The following SLC24A2 variants were observed in gnomAD, a reference collection of about 807,000 sequenced individuals.
The protein encoded by SLC24A2 is sodium/potassium/calcium exchanger 2.
SLC24A2 carries 36 observed loss-of-function variants against 62.0 expected under a neutral mutation model. That is an observed-to-expected ratio of 0.58 (90% CI 0.44 to 0.77). SLC24A2 has a LOEUF of 0.77. Ranked by LOEUF, SLC24A2 falls within the 30% of genes least tolerant of loss-of-function variation. SLC24A2 has a pLI of 0.00. For synonymous variants in SLC24A2, 358 were observed against 294.0 expected (o/e 1.22, Z -2.23); for missense variants, 846 against 817.9 (o/e 1.03, Z -0.42).
the SLC24A2 span, among the ~76,000 whole-genome samples, chr9:20,088,237 T>A: frequency 6.6e-6 from 1 of 152,198 alleles, no homozygotes; most frequent in Non-Finnish European, 1.5e-5. Flanking sequence ...CAGGATAAGA[T>A]CCACTGGCTT....
At position 19,510,857 on chromosome 9, in the gene SLC24A2, C is replaced by G. The variant is rs1056191769; in HGVS notation, c.*5296G>C. 1 of 152,304 alleles carries G rather than the reference C, an allele frequency of 6.6e-6. No individual in the cohort carries two copies. 9.4% of individuals were successfully genotyped at this position (152,304 alleles called of 1,614,324 possible). On this transcript the variant is annotated 3_prime_UTR_variant, in exon 11 of 11. Transcript: ENST00000341998. ...TAATTGCAGGGTCATTTTTGCCTCT[C>G]GAATGCTGCCTGACTTGTGGATTTG... is the stretch of plus-strand genomic sequence containing the variant.
At chr9:19,770,002 C>A (rs1342584573) in intron 2 of SLC24A2, among the ~76,000 whole-genome samples, 2 of 151,502 alleles carry the variant, frequency 1.3e-5, no homozygotes, top group African/African-American at 4.8e-5. Flanking sequence ...AACTTACTTA[C>A]CTAAATAAAG....
chr9:19,731,326 G>C (rs1172941652), intron 2 of SLC24A2, among the ~76,000 whole-genome samples: 1 of 152,178 alleles, frequency 6.6e-6, no homozygotes, highest in African/African-American at 2.4e-5. Context: ...GCTATGGACT[G>C]AATGTTTGTG....
At chr9:19,531,699 C>A (rs1408741295) in intron 8 of SLC24A2, among the ~76,000 whole-genome samples, 1 of 137,394 alleles carries the variant, frequency 7.3e-6, no homozygotes, top group Non-Finnish European at 1.6e-5. Flanking sequence ...AAGACCCCCC[C>A]CCACCCCCCA....
At chr9:19,648,852 G>A (rs750889127) in intron 2 of SLC24A2, among the ~76,000 whole-genome samples, 11 of 152,048 alleles carry the variant, frequency 7.2e-5, no homozygotes, top group African/African-American at 2.7e-4. Flanking sequence ...GACCACCCAC[G>A]TGTGTTGGCA....
At chr9:19,621,704 C>G (rs1015276327) in intron 3 of SLC24A2, among the ~76,000 whole-genome samples, 2 of 152,054 alleles carry the variant, frequency 1.3e-5, no homozygotes. Context: ...CTCGTCATAA[C>G]TATTATGGTC....
chr9:20,280,619 T>C, the SLC24A2 span, among the ~76,000 whole-genome samples: 4 of 152,324 alleles, frequency 2.6e-5, no homozygotes, highest in Non-Finnish European at 5.9e-5. Flanking sequence ...TTTTCATTTA[T>C]GAACTTGGGC....
At chr9:19,759,895 G>T (rs750191440) in intron 2 of SLC24A2, among the ~76,000 whole-genome samples, 27 of 152,076 alleles carry the variant, frequency 1.8e-4, no homozygotes, top group Non-Finnish European at 3.5e-4. Flanking sequence ...ATATCCTTTT[G>T]TTAAAAAATA....
chr9:20,107,388 T>G, the SLC24A2 span, among the ~76,000 whole-genome samples: 2 of 151,630 alleles, frequency 1.3e-5, no homozygotes, highest in Non-Finnish European at 2.9e-5. Context: ...CATTGCCAAG[T>G]CAATCCTAAG....
the SLC24A2 span, among the ~76,000 whole-genome samples, chr9:19,990,971 G>A: frequency 1.1e-5 from 1 of 89,508 alleles, no homozygotes; most frequent in East Asian, 2.2e-4. Flanking sequence ...TACTATATAT[G>A]TATGTATATG....
At chr9:20,000,730 C>T in the SLC24A2 span, among the ~76,000 whole-genome samples, 5 of 152,022 alleles carry the variant, frequency 3.3e-5, no homozygotes, top group African/African-American at 9.7e-5. Context: ...AAGAATGGAC[C>T]CCAGTTTTGC....
the SLC24A2 span, among the ~76,000 whole-genome samples, chr9:19,882,866 CTA>C: frequency 6.6e-6 from 1 of 152,058 alleles, no homozygotes; most frequent in Non-Finnish European, 1.5e-5. Flanking sequence ...GGTGAAAAGG[CTA>C]CTCCACCAAG....
chr9:19,832,264 G>A, the SLC24A2 span, among the ~76,000 whole-genome samples: 1 of 152,192 alleles, frequency 6.6e-6, no homozygotes, highest in African/African-American at 2.4e-5. Context: ...CATAATATAT[G>A]TCTTCAAAGT....
At chr9:20,046,090 G>C in the SLC24A2 span, among the ~76,000 whole-genome samples, 1 of 152,320 alleles carries the variant, frequency 6.6e-6, no homozygotes. Context: ...AAGAATTCTG[G>C]TGAGTGTGGT....
At chr9:19,569,588 A>G (rs1478023528) in intron 7 of SLC24A2, among the ~76,000 whole-genome samples, 1 of 151,956 alleles carries the variant, frequency 6.6e-6, no homozygotes, top group Non-Finnish European at 1.5e-5. Context: ...GCCTGCAACA[A>G]CCTCTTTGCC....
chr9:19,819,003 T>A, the SLC24A2 span, among the ~76,000 whole-genome samples: 14 of 150,342 alleles, frequency 9.3e-5, no homozygotes. Context: ...AATAGGCACA[T>A]AGACCAGTGG....
chr9:19,703,576 C>T (rs1460986084), intron 2 of SLC24A2, among the ~76,000 whole-genome samples: 2 of 152,094 alleles, frequency 1.3e-5, no homozygotes, highest in Non-Finnish European at 2.9e-5. Context: ...AGTGAGCTCA[C>T]TGTAAGTTGG....
the SLC24A2 span, among the ~76,000 whole-genome samples, chr9:20,237,732 A>G: frequency 6.6e-6 from 1 of 152,164 alleles, no homozygotes. Context: ...CAGTCTTAAT[A>G]AAGTGCAGGG....
At chr9:20,077,174 G>T in the SLC24A2 span, among the ~76,000 whole-genome samples, 2 of 151,958 alleles carry the variant, frequency 1.3e-5, no homozygotes, top group Admixed American at 1.3e-4. Flanking sequence ...GTAGGTCAGA[G>T]GATACAAAGT....
Sources: allele counts gnomAD v4.1 joint callset (sites outside exome capture counted in the v4.1 genomes callset), GRCh38; gene constraint gnomAD v4.1.1; transcripts MANE v1.5; gene names NCBI Gene and HGNC (gene_info 2026-07-23, HGNC 2026-07-21).